DNM3: variants seen among roughly 807,000 people sequenced by gnomAD.
The protein encoded by DNM3 is dynamin-3.
DNM3 carries 47 observed loss-of-function variants against 101.6 expected under a neutral mutation model. That is an observed-to-expected ratio of 0.46 (90% CI 0.37 to 0.59). The LOEUF (loss-of-function observed/expected upper bound fraction) is 0.59, where lower values mean the gene tolerates loss of function less well. DNM3 is among the 20% of genes least tolerant of loss of function. DNM3 has a pLI of 0.00. For synonymous variants in DNM3, 385 were observed against 387.9 expected (o/e 0.99, Z 0.09); for missense variants, 849 against 1,085.7 (o/e 0.78, Z 3.06).
intron 20 of DNM3, among the ~76,000 whole-genome samples, chr1:172,406,136 G>T (rs886194974): frequency 1.3e-5 from 2 of 151,912 alleles, no homozygotes; most frequent in African/African-American, 4.8e-5. Context: ...AGAGTTCAGT[G>T]TGATGACTAA....
chr1:172,417,567 T>C (rs2071473199), downstream of DNM3, among the ~76,000 whole-genome samples: 1 of 152,190 alleles, frequency 6.6e-6, no homozygotes, highest in African/African-American at 2.4e-5. Flanking sequence ...GAAATACAGT[T>C]ATACCTAGCT....
At chr1:171,921,620 A>C in intron 1 of DNM3, 128 bp from the exon 2 acceptor site, 1 of 723,662 alleles carries the variant, frequency 1.4e-6, no homozygotes, top group East Asian at 2.7e-5. Flanking sequence ...AGATGGGCCT[A>C]TCATTGTTTG....
intron 1 of DNM3, among the ~76,000 whole-genome samples, chr1:171,907,223 G>A (rs1013132045): frequency 2.0e-5 from 3 of 152,206 alleles, no homozygotes; most frequent in Admixed American, 2.0e-4. Context: ...CGGGCGCAGT[G>A]GCTCATGCTT....
intron 15 of DNM3, among the ~76,000 whole-genome samples, chr1:172,266,527 A>T (rs2062864656): frequency 6.6e-6 from 1 of 152,176 alleles, no homozygotes; most frequent in African/African-American, 2.4e-5. Context: ...AGGATAAATT[A>T]TTTTATTTCA....
chr1:172,190,372 A>G (rs986933147), intron 14 of DNM3, among the ~76,000 whole-genome samples: 2 of 152,146 alleles, frequency 1.3e-5, no homozygotes, highest in African/African-American at 4.8e-5. Context: ...ATAGTATTCC[A>G]TGGTGTATAT....
At chr1:171,843,685 T>C (rs2031627159) in intron 1 of DNM3, among the ~76,000 whole-genome samples, 1 of 152,228 alleles carries the variant, frequency 6.6e-6, no homozygotes, top group African/African-American at 2.4e-5. Flanking sequence ...ATACCACAAT[T>C]CTACATTCTA....
At chr1:172,008,827 T>A (rs1416052991) in intron 4 of DNM3, among the ~76,000 whole-genome samples, 1 of 138,768 alleles carries the variant, frequency 7.2e-6, no homozygotes, top group Admixed American at 7.9e-5. Context: ...TAATATGTAT[T>A]ATATAATATA....
In DNM3 at chr1:172,263,639, A is replaced by C. The variant is rs182777045; in HGVS notation, c.1769+9957A>C. 1.8e-3 allele frequency among the ~76,000 whole-genome samples: 267 copies of C among 152,280 alleles called. 1 individual carries two copies. Among genetic ancestry groups the C allele is most frequent in the South Asian group, 7.7e-3 (37 of 4,828 alleles). On this transcript the variant is annotated intron_variant, in intron 15 of 20. Transcript: ENST00000627582. ...TGTGCAGGGGAACTTCCCTTTATAA[A>C]ATCATCAGATCTTGTGAGACTTATT...
intron 14 of DNM3, among the ~76,000 whole-genome samples, chr1:172,171,307 C>A (rs1254025234): frequency 3.3e-5 from 5 of 151,514 alleles, no homozygotes; most frequent in African/African-American, 1.2e-4. Flanking sequence ...AATAAAAATG[C>A]TTTCTTTCTA....
intron 17 of DNM3, among the ~76,000 whole-genome samples, chr1:172,356,541 T>G (rs557078372): frequency 6.6e-6 from 1 of 152,178 alleles, no homozygotes; most frequent in Non-Finnish European, 1.5e-5. Flanking sequence ...AGCCATAGAC[T>G]CCTCAGAATT....
At chr1:172,122,543 T>C (rs1342718599) in intron 13 of DNM3, among the ~76,000 whole-genome samples, 2 of 152,174 alleles carry the variant, frequency 1.3e-5, no homozygotes, top group Non-Finnish European at 2.9e-5. Context: ...GGCAAAAATA[T>C]TTTTCCCACA....
chr1:172,247,678 T>C (rs899532062), intron 14 of DNM3, among the ~76,000 whole-genome samples: 1 of 150,968 alleles, frequency 6.6e-6, no homozygotes, highest in East Asian at 1.9e-4. Flanking sequence ...TTTATTTATT[T>C]ATTTATTTAT....
chr1:171,853,952 A>G (rs915772606), intron 1 of DNM3, among the ~76,000 whole-genome samples: 2 of 152,026 alleles, frequency 1.3e-5, no homozygotes, highest in Admixed American at 1.3e-4. Flanking sequence ...CATTTTTTTC[A>G]TCTTTTCTGT....
chr1:172,292,203 A>G (rs1340427049), intron 15 of DNM3, among the ~76,000 whole-genome samples: 4 of 152,064 alleles, frequency 2.6e-5, no homozygotes, highest in Non-Finnish European at 5.9e-5. Flanking sequence ...TATATAATCC[A>G]TTTTTCATTA....
chr1:171,980,167 A>G (rs1336055585), intron 2 of DNM3, among the ~76,000 whole-genome samples: 1 of 86,248 alleles, frequency 1.2e-5, no homozygotes, highest in East Asian at 2.4e-4. Flanking sequence ...TTTTTTTTTG[A>G]TTGCTAGACT....
intron 1 of DNM3, among the ~76,000 whole-genome samples, chr1:171,907,979 C>CT (rs1380478317): frequency 1.3e-5 from 2 of 152,180 alleles, no homozygotes; most frequent in Non-Finnish European, 2.9e-5. Flanking sequence ...TAATCGTTGA[C>CT]TGTATCTCAT....
At chr1:171,991,951 G>T (rs528847120) in intron 4 of DNM3, among the ~76,000 whole-genome samples, 85 of 152,272 alleles carry the variant, frequency 5.6e-4, no homozygotes, top group Non-Finnish European at 9.9e-4. Context: ...TCCTACCTTG[G>T]TTCAGCCTCT....
intron 15 of DNM3, among the ~76,000 whole-genome samples, chr1:172,278,271 T>C (rs2063361622): frequency 1.3e-5 from 2 of 152,098 alleles, no homozygotes; most frequent in African/African-American, 4.8e-5. Flanking sequence ...CTGTCACAAC[T>C]CATCATTTAT....
chr1:172,280,433 G>A (rs1474697853), intron 15 of DNM3, among the ~76,000 whole-genome samples: 2 of 152,110 alleles, frequency 1.3e-5, no homozygotes, highest in African/African-American at 4.8e-5. Context: ...ACACTGCCTA[G>A]CATATGGTAG....
Sources: allele counts gnomAD v4.1 joint callset (sites outside exome capture counted in the v4.1 genomes callset), GRCh38; gene constraint gnomAD v4.1.1; transcripts MANE v1.5; gene names NCBI Gene and HGNC (gene_info 2026-07-23, HGNC 2026-07-21).